SLC7A1: variants seen among roughly 807,000 people sequenced by gnomAD.
SLC7A1 encodes the protein high affinity cationic amino acid transporter 1.
In SLC7A1, 10 loss-of-function variants were observed where a neutral mutation model predicts 53.9. That is an observed-to-expected ratio of 0.19 (90% CI 0.11 to 0.31). The LOEUF is 0.31. Ranked by LOEUF, SLC7A1 falls within the 10% of genes least tolerant of loss-of-function variation. SLC7A1 has a pLI of 1.00. For missense variants in SLC7A1, 525 were observed against 827.2 expected, an observed-to-expected ratio of 0.63 and a Z score of 4.48; for synonymous variants, 342 against 338.7, an observed-to-expected ratio of 1.01 and a Z score of -0.11.
chr13:29,517,416 C>A, intron 10 of SLC7A1, 106 bp from the exon 11 acceptor site: 1 of 1,314,334 alleles, frequency 7.6e-7, no homozygotes, highest in South Asian at 1.4e-5. Flanking sequence ...GCTCCATTTC[C>A]GAAGGCACAA....
chr13:29,552,699 G>A (rs937872449), intron 2 of SLC7A1, among the ~76,000 whole-genome samples: 3 of 152,166 alleles, frequency 2.0e-5, no homozygotes, highest in African/African-American at 4.8e-5. Context: ...TTTGTTTCCC[G>A]TAAGGAATAC....
chr13:29,514,874 C>T (rs111966260), intron 12 of SLC7A1, among the ~76,000 whole-genome samples: 113 of 152,280 alleles, frequency 7.4e-4, no homozygotes, highest in Non-Finnish European at 1.3e-3. Flanking sequence ...CAGAGGCCAT[C>T]GGGTCCTTCA....
intron 2 of SLC7A1, among the ~76,000 whole-genome samples, chr13:29,548,368 C>T (rs1201043268): frequency 1.3e-5 from 2 of 152,212 alleles, no homozygotes; most frequent in East Asian, 1.9e-4. Flanking sequence ...TGACAGGTAA[C>T]AGCCTCACTG....
rs1870310115 is a variant in SLC7A1 at position 29,553,875 on chromosome 13, A to G, written c.-114-15T>C. ...GTTTCAGAATCCTGAAAGGCAAGGAAGAGCCATCAGATATGTTCAGTTTCA... is the reference window on the plus strand; with the variant it reads ...GTTTCAGAATCCTGAAAGGCAAGGAGGAGCCATCAGATATGTTCAGTTTCA... On this transcript the variant is annotated splice_polypyrimidine_tract_variant and intron_variant, in intron 1 of 12. Coordinates refer to ENST00000380752, the MANE Select transcript of SLC7A1 (RefSeq NM_003045.5). 6.6e-6 allele frequency: 1 copy of G among 152,242 alleles called. No individual in the cohort carries two copies. Among genetic ancestry groups the G allele is most frequent in the South Asian group, 2.1e-4 (1 of 4,828 alleles). 9.4% of individuals were successfully genotyped at this position (152,242 alleles called of 1,614,324 possible).
chr13:29,562,097 C>T (rs550193237), intron 1 of SLC7A1, among the ~76,000 whole-genome samples: 2 of 152,194 alleles, frequency 1.3e-5, no homozygotes, highest in African/African-American at 4.8e-5. Flanking sequence ...TCCTGACTTC[C>T]GTAGTTCCAT....
Position 29,536,017 on chromosome 13 carries a change from C to T in SLC7A1, c.172G>A (p.Ala58Thr), listed in dbSNP as rs199618490. Residue 58 changes from alanine (A) to threonine (T), a missense_variant, in exon 3 of 13, where the codon GCC becomes ACC. Physicochemically the swap from Ala to Thr is moderately conservative, Grantham distance 58. Transcript: ENST00000380752. ...ATGGCAGGGCCTGCATTCTCACGGG[C>T]CACAGCTCCAGCCAGGACGTAGACA... ...AGVYVLAGAV[A>T]RENAGPAIVI... The T allele has an allele frequency of 1.2e-5, 20 of 1,614,012 alleles. No homozygotes were observed. The highest frequency in any genetic ancestry group is 1.7e-5 in the Non-Finnish European group (20 of 1,180,016).
rs1360201111 is a variant in SLC7A1, at chr13:29,510,414, C to T, written c.*4066G>A. 1.3e-5 allele frequency: 2 copies of T among 152,582 alleles called. No individual in the cohort carries two copies. Among genetic ancestry groups the T allele is most frequent in the African/African-American group, 4.8e-5 (2 of 41,452 alleles). 9.5% of individuals were successfully genotyped at this position (152,582 alleles called of 1,614,324 possible). ...ATCAACAGTAATCAATTTCATGACTCGGATAAGGTCCCCAGGAGCCTGGCA... is the reference window on the plus strand; with the variant it reads ...ATCAACAGTAATCAATTTCATGACTTGGATAAGGTCCCCAGGAGCCTGGCA... On this transcript the variant is annotated 3_prime_UTR_variant, in exon 13 of 13. Coordinates refer to ENST00000380752, the MANE Select transcript of SLC7A1 (RefSeq NM_003045.5).
rs775679490 is a variant in SLC7A1 at position 29,517,673 on chromosome 13, T to C, written c.1410A>G (p.Pro470=). The change falls in exon 10 of 13, where the codon CCA becomes CCG. Residue 470 remains proline (P), a synonymous_variant. Coordinates refer to ENST00000380752, the MANE Select transcript of SLC7A1 (RefSeq NM_003045.5). ...TTTTCAAAGAGAACATCTCTGCCTC[T>C]GGTAAAAAGCCCAGCTGGGAATCAT... ...STNDSQLGFL[P]EAEMFSLKTI... 2 of 1,614,194 alleles carry C rather than the reference T, an allele frequency of 1.2e-6. No individual in the cohort carries two copies. Among genetic ancestry groups the C allele is most frequent in the Non-Finnish European group, 8.5e-7 (1 of 1,179,988 alleles).
At chr13:29,519,716 C>G (rs909471442) in intron 8 of SLC7A1, among the ~76,000 whole-genome samples, 167 bp from the exon 9 acceptor site, 1 of 149,524 alleles carries the variant, frequency 6.7e-6, no homozygotes, top group East Asian at 2.0e-4. Flanking sequence ...AGTCAAGCTT[C>G]CCTTTAAGCT....
chr13:29,554,486 G>A (rs990987396), intron 1 of SLC7A1, among the ~76,000 whole-genome samples: 6 of 152,268 alleles, frequency 3.9e-5, no homozygotes, highest in South Asian at 4.1e-4. Context: ...GAATGGAATC[G>A]TGCTGGCCAG....
At chr13:29,554,993 G>T (rs529870011) in intron 1 of SLC7A1, among the ~76,000 whole-genome samples, 8 of 152,124 alleles carry the variant, frequency 5.3e-5, no homozygotes, top group Admixed American at 3.9e-4. Flanking sequence ...CTTTCCTCAT[G>T]ACCATCGTGA....
At chr13:29,555,247 A>G (rs1429295596) in intron 1 of SLC7A1, among the ~76,000 whole-genome samples, 3 of 141,730 alleles carry the variant, frequency 2.1e-5, no homozygotes, top group African/African-American at 7.7e-5. Context: ...AGTCCCAGCT[A>G]CTTGGGAGGC....
chr13:29,529,653 C>T (rs984136401), intron 5 of SLC7A1, among the ~76,000 whole-genome samples: 12 of 152,180 alleles, frequency 7.9e-5, no homozygotes, highest in African/African-American at 2.9e-4. Flanking sequence ...CCAGCCAACG[C>T]GGACTGCTCA....
intron 11 of SLC7A1, 46 bp downstream of exon 11, chr13:29,517,098 C>T: frequency 6.6e-7 from 1 of 1,519,994 alleles, no homozygotes. Context: ...ATCAGGAGGG[C>T]CAGGGTCTGT....
At chr13:29,590,787 C>T (rs115800529) in intron 1 of SLC7A1, among the ~76,000 whole-genome samples, 2 of 151,954 alleles carry the variant, frequency 1.3e-5, no homozygotes, top group Non-Finnish European at 2.9e-5. Flanking sequence ...AATGAGAGAG[C>T]GAAATTAAGT....
chr13:29,562,383 A>ATCCAAAATCTGAAATGC (rs1870796694), intron 1 of SLC7A1, among the ~76,000 whole-genome samples: 1 of 152,248 alleles, frequency 6.6e-6, no homozygotes, highest in Non-Finnish European at 1.5e-5. Context: ...TGATCCAAAA[A>ATCCAAAATCTGAAATGC]TCCAAAATCT....
intron 1 of SLC7A1, among the ~76,000 whole-genome samples, chr13:29,582,865 C>T (rs922357940): frequency 2.6e-5 from 4 of 152,338 alleles, no homozygotes; most frequent in South Asian, 2.1e-4. Context: ...TTACTGCCCA[C>T]TCCTACTGCC....
intron 1 of SLC7A1, among the ~76,000 whole-genome samples, chr13:29,578,623 T>C (rs280929): frequency 0.98 from 149,275 of 152,312 alleles, 73,232 homozygotes; most frequent in East Asian, 1. Flanking sequence ...GCACAATCTG[T>C]CCTGAACTAT....
chr13:29,557,780 G>A (rs1389670281), intron 1 of SLC7A1, among the ~76,000 whole-genome samples: 4 of 89,884 alleles, frequency 4.5e-5, no homozygotes, highest in African/African-American at 1.9e-4. Flanking sequence ...AGTGAGGGAG[G>A]AGTGAATGTG....
Sources: gnomAD v4.1 joint callset for allele counts (sites outside exome capture counted in the v4.1 genomes callset) on GRCh38, gnomAD v4.1.1 for gene constraint, MANE v1.5 for transcripts, NCBI Gene and HGNC (gene_info 2026-07-23, HGNC 2026-07-21) for gene names.